The following GRID2 variants were observed in gnomAD, a reference collection of about 807,000 sequenced individuals.
GRID2 encodes glutamate ionotropic receptor delta type subunit 2, also known as glutamate receptor ionotropic, delta-2.
In GRID2, 33 loss-of-function variants were observed where a neutral mutation model predicts 114.8. That is an observed-to-expected ratio of 0.29 (90% CI 0.22 to 0.38). GRID2 has a LOEUF of 0.38. Among genes scored for constraint, GRID2 ranks in the 10% least tolerant of loss-of-function variants. The pLI is 1.00. For missense variants in GRID2, 1,184 were observed against 1,257.7 expected, an observed-to-expected ratio of 0.94 and a Z score of 0.89; for synonymous variants, 505 against 449.9, an observed-to-expected ratio of 1.12 and a Z score of -1.55.
intron 5 of GRID2, 60 bp downstream of exon 5, chr4:93,207,517 G>T: frequency 9.4e-7 from 1 of 1,064,306 alleles, no homozygotes; most frequent in Non-Finnish European, 1.4e-6. Context: ...TATAATTGTA[G>T]CATTTCCAAT....
intron 1 of GRID2, among the ~76,000 whole-genome samples, chr4:92,431,986 G>A (rs997392574): frequency 3.9e-5 from 6 of 152,248 alleles, no homozygotes; most frequent in African/African-American, 1.4e-4. Flanking sequence ...TGTGACTCTT[G>A]CACACTTGTA....
chr4:92,502,705 C>CTTT (rs70940901), intron 1 of GRID2, among the ~76,000 whole-genome samples: 6 of 63,940 alleles, frequency 9.4e-5, no homozygotes, highest in African/African-American at 1.3e-4. Context: ...CATGTGATTT[C>CTTT]TTTTTTTTTT....
intron 6 of GRID2, among the ~76,000 whole-genome samples, chr4:93,224,166 A>G (rs1039257870): frequency 1.1e-4 from 16 of 152,190 alleles, no homozygotes; most frequent in African/African-American, 3.9e-4. Context: ...GGTACCTATG[A>G]CATTCATATA....
intron 1 of GRID2, among the ~76,000 whole-genome samples, chr4:92,361,544 A>G (rs1482970007): frequency 1.3e-5 from 2 of 151,994 alleles, no homozygotes; most frequent in Non-Finnish European, 2.9e-5. Context: ...CCAGGTGTTC[A>G]TACTCTGAAG....
chr4:92,322,691 C>T (rs1350381966), intron 1 of GRID2, among the ~76,000 whole-genome samples: 3 of 152,122 alleles, frequency 2.0e-5, no homozygotes, highest in Non-Finnish European at 4.4e-5. Context: ...AAGTTTGGCT[C>T]AGCCTCAATG....
chr4:93,217,795 A>G (rs1392601716), intron 6 of GRID2, among the ~76,000 whole-genome samples: 1 of 152,142 alleles, frequency 6.6e-6, no homozygotes, highest in Admixed American at 6.6e-5. Flanking sequence ...TAATGCTAGC[A>G]TATAAGTTAA....
chr4:92,665,127 G>T (rs1265334641), intron 2 of GRID2, among the ~76,000 whole-genome samples: 1 of 149,884 alleles, frequency 6.7e-6, no homozygotes, highest in East Asian at 2.0e-4. Flanking sequence ...ACTGTCTTCT[G>T]TGTTTAATTG....
At chr4:93,759,819 A>G (rs567772639) in intron 14 of GRID2, among the ~76,000 whole-genome samples, 3 of 152,342 alleles carry the variant, frequency 2.0e-5, no homozygotes, top group Admixed American at 1.3e-4. Flanking sequence ...GATACAGTGG[A>G]ACACGTGTTA....
At chr4:93,510,240 G>T in intron 12 of GRID2, among the ~76,000 whole-genome samples, 1 of 152,122 alleles carries the variant, frequency 6.6e-6, no homozygotes, top group South Asian at 2.1e-4. Context: ...ATTCCCCAAA[G>T]CCAGCTGTCA....
intron 14 of GRID2, among the ~76,000 whole-genome samples, chr4:93,718,855 T>G (rs1037462485): frequency 2.0e-5 from 3 of 152,196 alleles, no homozygotes; most frequent in Non-Finnish European, 2.9e-5. Flanking sequence ...AAGAACATTC[T>G]TTCTCTTCTC....
intron 10 of GRID2, 73 bp from the exon 11 acceptor site, chr4:93,455,589 G>C: frequency 1.0e-6 from 1 of 989,288 alleles, no homozygotes; most frequent in Non-Finnish European, 1.6e-6. Context: ...TTTTCCTCGA[G>C]GCAAGCTGAA....
chr4:93,296,810 TTG>T (rs1754357835), intron 8 of GRID2, among the ~76,000 whole-genome samples: 1 of 152,188 alleles, frequency 6.6e-6, no homozygotes, highest in Non-Finnish European at 1.5e-5. Flanking sequence ...GTTTTTACCT[TTG>T]TCTACAAGGG....
chr4:93,102,097 G>T (rs1327087174), intron 3 of GRID2, among the ~76,000 whole-genome samples: 5 of 152,096 alleles, frequency 3.3e-5, no homozygotes, highest in Admixed American at 3.3e-4. Flanking sequence ...AATAGCAGAA[G>T]TTTACTTCAA....
intron 2 of GRID2, among the ~76,000 whole-genome samples, chr4:92,938,979 G>A (rs1750885591): frequency 6.8e-6 from 1 of 147,022 alleles, no homozygotes; most frequent in East Asian, 2.1e-4. Context: ...GGACATTTGG[G>A]TGGGTTCCAA....
At position 93,209,876 on chromosome 4, in the gene GRID2, G is replaced by A. The variant is rs529117463; in HGVS notation, c.789+2419G>A. 1.2e-4 allele frequency among the ~76,000 whole-genome samples: 19 copies of A among 152,122 alleles called. No individual in the cohort carries two copies. The South Asian group carries it at 3.9e-3, about 32-fold the overall frequency. ...AGCGATGTTGAGCTTTCTTTCATAT[G>A]ATTATTGATCATATGATGTATTATT... On this transcript the variant is annotated intron_variant, in intron 5 of 15. Transcript: ENST00000282020.
chr4:92,331,279 C>T (rs1344510738), intron 1 of GRID2, among the ~76,000 whole-genome samples: 1 of 152,154 alleles, frequency 6.6e-6, no homozygotes, highest in Admixed American at 6.6e-5. Context: ...AAACTATGTG[C>T]TAACCACAAA....
At chr4:93,686,506 T>C (rs1453793870) in intron 14 of GRID2, among the ~76,000 whole-genome samples, 2 of 150,920 alleles carry the variant, frequency 1.3e-5, no homozygotes, top group African/African-American at 4.9e-5. Context: ...AAAAAAAAAA[T>C]CCCCACCTTC....
At chr4:93,263,249 T>A (rs1750449178) in intron 8 of GRID2, among the ~76,000 whole-genome samples, 1 of 152,020 alleles carries the variant, frequency 6.6e-6, no homozygotes, top group African/African-American at 2.4e-5. Context: ...TTTATTTTGT[T>A]TTGACTTAGA....
chr4:93,145,096 T>A (rs919100092), intron 4 of GRID2, among the ~76,000 whole-genome samples: 1 of 152,212 alleles, frequency 6.6e-6, no homozygotes, highest in African/African-American at 2.4e-5. Context: ...CCTGGCTGGC[T>A]CCTTCTTGCT....
Sources: gnomAD v4.1 joint callset for allele counts (sites outside exome capture counted in the v4.1 genomes callset) on GRCh38, gnomAD v4.1.1 for gene constraint, MANE v1.5 for transcripts, NCBI Gene and HGNC (gene_info 2026-07-23, HGNC 2026-07-21) for gene names.